STAG1: variants seen among roughly 807,000 people sequenced by gnomAD.
STAG1 encodes cohesin subunit SA-1.
In STAG1, 26 loss-of-function variants were observed where a neutral mutation model predicts 170.9. That is an observed-to-expected ratio of 0.15 (90% CI 0.11 to 0.21). The LOEUF (loss-of-function observed/expected upper bound fraction) is 0.21. Among genes scored for constraint, STAG1 ranks in the 10% least tolerant of loss-of-function variants. The pLI is 1.00. For synonymous variants in STAG1, 514 were observed against 497.7 expected, an observed-to-expected ratio of 1.03 and a Z score of -0.44; for missense variants, 964 against 1,509.5, an observed-to-expected ratio of 0.64 and a Z score of 5.99.
chr3:136,438,179 T>TAG (rs1325255203), intron 15 of STAG1, among the ~76,000 whole-genome samples: 1 of 152,098 alleles, frequency 6.6e-6, no homozygotes, highest in Non-Finnish European at 1.5e-5. Flanking sequence ...TTATTTCCTC[T>TAG]ATCTAGATAG....
chr3:136,385,277 GTC>G (rs750994250), intron 22 of STAG1, among the ~76,000 whole-genome samples: 1 of 152,124 alleles, frequency 6.6e-6, no homozygotes, highest in Non-Finnish European at 1.5e-5. Flanking sequence ...AACAAGACCT[GTC>G]TCTACAATAT....
intron 3 of STAG1, among the ~76,000 whole-genome samples, chr3:136,610,439 T>C (rs546032807): frequency 6.6e-6 from 1 of 152,332 alleles, no homozygotes; most frequent in Admixed American, 6.5e-5. Flanking sequence ...GGTTGTGGTA[T>C]TCCTGTTTTC....
chr3:136,341,805 G>C (rs1171841651), intron 30 of STAG1, among the ~76,000 whole-genome samples: 1 of 152,226 alleles, frequency 6.6e-6, no homozygotes, highest in Non-Finnish European at 1.5e-5. Context: ...AGGGTTCTCA[G>C]ACCTCTGTTT....
chr3:136,551,014 T>A (rs1936357611), intron 5 of STAG1, among the ~76,000 whole-genome samples: 2 of 152,144 alleles, frequency 1.3e-5, no homozygotes, highest in Non-Finnish European at 2.9e-5. Context: ...CAAGTGTTTG[T>A]CAGTTTTCTC....
intron 22 of STAG1, among the ~76,000 whole-genome samples, chr3:136,387,754 T>G (rs2086909188): frequency 1.3e-5 from 2 of 152,208 alleles, no homozygotes; most frequent in Non-Finnish European, 2.9e-5. Flanking sequence ...CCCCACCTGC[T>G]GACTCCTGCC....
chr3:136,663,961 T>C (rs907950825), intron 1 of STAG1, among the ~76,000 whole-genome samples: 2 of 152,136 alleles, frequency 1.3e-5, no homozygotes, highest in African/African-American at 2.4e-5. Flanking sequence ...AAGCTTAAAA[T>C]GCAAAGAGCA....
At chr3:136,569,623 C>G (rs1937198989) in intron 4 of STAG1, among the ~76,000 whole-genome samples, 2 of 151,932 alleles carry the variant, frequency 1.3e-5, no homozygotes, top group African/African-American at 4.8e-5. Context: ...ATTCTCCTTT[C>G]CTACAGTTGA....
intron 1 of STAG1, among the ~76,000 whole-genome samples, chr3:136,698,756 A>G (rs1942968563): frequency 1.3e-5 from 2 of 152,220 alleles, no homozygotes; most frequent in Non-Finnish European, 2.9e-5. Context: ...ACACATCCAC[A>G]TGCATCTATA....
At chr3:136,665,641 G>A (rs1941735398) in intron 1 of STAG1, among the ~76,000 whole-genome samples, 1 of 151,156 alleles carries the variant, frequency 6.6e-6, no homozygotes, top group South Asian at 2.1e-4. Context: ...TTAGCCAGGT[G>A]TAGTGGCAGG....
intron 1 of STAG1, among the ~76,000 whole-genome samples, chr3:136,714,283 T>C (rs907963078): frequency 6.6e-5 from 10 of 151,664 alleles, no homozygotes; most frequent in African/African-American, 1.9e-4. Context: ...AGACTTAGGG[T>C]GTGAAAATAT....
intron 1 of STAG1, among the ~76,000 whole-genome samples, chr3:136,696,801 A>T (rs1226756409): frequency 2.0e-5 from 3 of 152,216 alleles, no homozygotes. Context: ...ATGATTCCGT[A>T]TGTATGACAT....
chr3:136,606,767 T>G (rs79816799), intron 3 of STAG1, among the ~76,000 whole-genome samples: 2,301 of 147,166 alleles, frequency 0.016, 26 homozygotes, highest in Middle Eastern at 0.036. Context: ...TTTTTTTTTT[T>G]GGGGACGAAG....
chr3:136,521,410 C>T lies in STAG1; in HGVS notation c.479G>A (p.Gly160Asp). 1 of 1,613,090 alleles carries T rather than the reference C, an allele frequency of 6.2e-7. No individual in the cohort carries two copies. The highest frequency in any genetic ancestry group is 8.5e-7 in the Non-Finnish European group (1 of 1,179,360). ...TCCAGGCATGGTAAGAGGATAATCA[C>T]CACTGTCCTAAAAAACAGAAAAAGA... ...KMTEEFDEDS[G>D]DYPLTMPGPQ... The change falls in exon 7 of 34, where the codon GGT becomes GAT. Residue 160 changes from glycine to aspartate, a missense_variant. This residue lies in a region of STAG1 where 33 missense variants were observed against 86.0 expected (regional missense o/e 0.38). Coordinates refer to ENST00000383202, the MANE Select transcript of STAG1 (RefSeq NM_005862.3).
At chr3:136,673,321 T>C (rs1423425751) in intron 1 of STAG1, among the ~76,000 whole-genome samples, 1 of 152,200 alleles carries the variant, frequency 6.6e-6, no homozygotes, top group Non-Finnish European at 1.5e-5. Context: ...TTCTTAGTTA[T>C]AGTTTGTACC....
intron 1 of STAG1, among the ~76,000 whole-genome samples, chr3:136,732,967 A>T (rs1576826414): frequency 6.6e-6 from 1 of 152,188 alleles, no homozygotes; most frequent in East Asian, 1.9e-4. Context: ...CAATTAACTA[A>T]AATTCTTTGC....
At chr3:136,710,030 A>G (rs1267655611) in intron 1 of STAG1, among the ~76,000 whole-genome samples, 1 of 152,146 alleles carries the variant, frequency 6.6e-6, no homozygotes, top group African/African-American at 2.4e-5. Context: ...GTGAGACCCC[A>G]TCTCAAAAAA....
At chr3:136,519,283 T>C (rs1410371254) in intron 7 of STAG1, among the ~76,000 whole-genome samples, 1 of 152,112 alleles carries the variant, frequency 6.6e-6, no homozygotes, top group African/African-American at 2.4e-5. Flanking sequence ...GTTTCTAGAT[T>C]AAAGAAAAGT....
intron 22 of STAG1, among the ~76,000 whole-genome samples, chr3:136,387,693 C>G (rs2086907961): frequency 6.6e-6 from 1 of 152,136 alleles, no homozygotes; most frequent in South Asian, 2.1e-4. Context: ...ATTTAAACCC[C>G]AAATGTAATA....
intron 4 of STAG1, among the ~76,000 whole-genome samples, chr3:136,570,947 T>C (rs1937248745): frequency 6.6e-6 from 1 of 152,106 alleles, no homozygotes; most frequent in Non-Finnish European, 1.5e-5. Flanking sequence ...AAGAATACCA[T>C]GGTATCTGGG....
Sources: allele counts gnomAD v4.1 joint callset (sites outside exome capture counted in the v4.1 genomes callset), GRCh38; gene constraint gnomAD v4.1.1; regional missense constraint gnomAD v4.1.1; transcripts MANE v1.5; gene names NCBI Gene and HGNC (gene_info 2026-07-23, HGNC 2026-07-21).